The following PPP2R2C variants were observed in gnomAD, a reference collection of about 807,000 sequenced individuals.
PPP2R2C encodes protein phosphatase 2 regulatory subunit Bgamma.
PPP2R2C carries 10 observed loss-of-function variants against 45.3 expected under a neutral mutation model. The ratio of observed to expected loss-of-function variants is 0.22; its 90% CI spans 0.14 to 0.37. PPP2R2C has a LOEUF of 0.37. Ranked by LOEUF, PPP2R2C falls within the 10% of genes least tolerant of loss-of-function variation. The probability of loss-of-function intolerance (pLI) is 1.00; values close to 1 mark genes in which losing one functional copy is unlikely to be tolerated. For missense variants in PPP2R2C, 308 were observed against 619.7 expected, an observed-to-expected ratio of 0.50 and a Z score of 5.34; for synonymous variants, 257 against 245.4, an observed-to-expected ratio of 1.05 and a Z score of -0.44.
At chr4:6,463,853 A>C (rs4431291) in intron 1 of PPP2R2C, among the ~76,000 whole-genome samples, 86,154 of 151,992 alleles carry the variant, frequency 0.57, 25,962 homozygotes, top group East Asian at 0.72. Flanking sequence ...CTCCTGCTGA[A>C]CCCTCTCGAT....
At chr4:6,382,663 T>C in intron 1 of PPP2R2C, 1 of 178,936 alleles carries the variant, frequency 5.6e-6, no homozygotes, top group Non-Finnish European at 1.1e-5. Context: ...TCTCTCTCTC[T>C]CTCTCTCTCT....
At chr4:6,561,488 G>T (rs1378074585) in intron 1 of PPP2R2C, among the ~76,000 whole-genome samples, 1 of 151,988 alleles carries the variant, frequency 6.6e-6, no homozygotes, top group East Asian at 1.9e-4. Flanking sequence ...GAGGGGGAGG[G>T]GAGGACTTGC....
chr4:6,511,282 ATG>A (rs1723449913), intron 2 of PPP2R2C, among the ~76,000 whole-genome samples: 1 of 151,652 alleles, frequency 6.6e-6, no homozygotes, highest in East Asian at 1.9e-4. Flanking sequence ...GCTGATGCTG[ATG>A]CTGATGCTGA....
intron 1 of PPP2R2C, among the ~76,000 whole-genome samples, chr4:6,425,914 G>T (rs1719270876): frequency 6.6e-6 from 1 of 152,074 alleles, no homozygotes. Context: ...ATGCACACGT[G>T]CATGCATGTG....
intron 5 of PPP2R2C, among the ~76,000 whole-genome samples, chr4:6,367,270 T>G (rs1714406152): frequency 6.6e-6 from 1 of 152,220 alleles, no homozygotes; most frequent in Non-Finnish European, 1.5e-5. Context: ...AAGTCCATTT[T>G]GCTGAGACGG....
At chr4:6,500,213 T>C (rs961599142) in intron 2 of PPP2R2C, among the ~76,000 whole-genome samples, 1 of 152,356 alleles carries the variant, frequency 6.6e-6, no homozygotes, top group South Asian at 2.1e-4. Context: ...AATGGCGTGA[T>C]CTCGGCTCAC....
chr4:6,350,557 G>A (rs528577340), intron 5 of PPP2R2C: 13 of 985,302 alleles, frequency 1.3e-5, no homozygotes, highest in South Asian at 4.7e-5. Flanking sequence ...ACTCATTCTC[G>A]TTGTATTTCC....
intron 5 of PPP2R2C, among the ~76,000 whole-genome samples, chr4:6,367,302 A>C (rs1471715693): frequency 6.6e-6 from 1 of 152,190 alleles, no homozygotes; most frequent in African/African-American, 2.4e-5. Flanking sequence ...GATTGGACTT[A>C]GGAGATGCGA....
Position 6,502,003 on chromosome 4 carries a change from C to T in PPP2R2C, c.49+33268G>A, listed in dbSNP as rs148091652. 3.5e-3 allele frequency among the ~76,000 whole-genome samples: 526 copies of T among 152,288 alleles called. 2 individuals are homozygous for T. Among genetic ancestry groups the T allele is most frequent in the Non-Finnish European group, 5.7e-3 (386 of 68,014 alleles). On this transcript the variant is annotated intron_variant, in intron 2 of 9. Transcript: ENST00000506140. ...GAGGATTTGGTCTGGAAAAAAGATG[C>T]CCAGGGGCATGTCTCTGTCCTCAGG...
chr4:6,420,504 G>A (rs1330055396), intron 1 of PPP2R2C, among the ~76,000 whole-genome samples: 5 of 152,108 alleles, frequency 3.3e-5, no homozygotes, highest in South Asian at 2.1e-4. Context: ...TTGCGAGTCC[G>A]GAGGCAGCTC....
chr4:6,521,698 G>A (rs956263965), intron 2 of PPP2R2C, among the ~76,000 whole-genome samples: 3 of 152,156 alleles, frequency 2.0e-5, no homozygotes, highest in Admixed American at 2.0e-4. Context: ...CGCTTCCCCT[G>A]GACTGGCCAC....
chr4:6,434,487 T>C (rs1719796887), intron 1 of PPP2R2C, among the ~76,000 whole-genome samples: 1 of 150,816 alleles, frequency 6.6e-6, no homozygotes, highest in Admixed American at 6.7e-5. Context: ...GCCTCCCAAG[T>C]ACCTAAAATT....
At chr4:6,488,738 G>C (rs183668377) in intron 2 of PPP2R2C, among the ~76,000 whole-genome samples, 1 of 152,244 alleles carries the variant, frequency 6.6e-6, no homozygotes, top group East Asian at 1.9e-4. Context: ...TTGATGATTT[G>C]CTAAGGATGC....
intron 1 of PPP2R2C, among the ~76,000 whole-genome samples, chr4:6,554,945 A>AGG (rs1725325942): frequency 7.3e-6 from 1 of 137,874 alleles, no homozygotes; most frequent in Non-Finnish European, 1.6e-5. Context: ...GAAAGAAAGA[A>AGG]AGAAAGAAAG....
chr4:6,411,876 C>T (rs1718227072), intron 1 of PPP2R2C, among the ~76,000 whole-genome samples: 1 of 152,236 alleles, frequency 6.6e-6, no homozygotes, highest in Non-Finnish European at 1.5e-5. Context: ...TCTAACAGCC[C>T]ACTATCCCAG....
intron 5 of PPP2R2C, chr4:6,349,607 G>A (rs532321484): frequency 5.1e-5 from 50 of 982,396 alleles, no homozygotes; most frequent in East Asian, 3.4e-4. Context: ...TTGGGAGGCC[G>A]AGGCGGGCGG....
chr4:6,473,792 G>T (rs559578342), upstream of PPP2R2C, among the ~76,000 whole-genome samples: 1 of 152,228 alleles, frequency 6.6e-6, no homozygotes, highest in Non-Finnish European at 1.5e-5. Flanking sequence ...AGGTGATGCC[G>T]TCTCAGATTT....
chr4:6,516,649 A>G (rs994284832), intron 2 of PPP2R2C, among the ~76,000 whole-genome samples: 2 of 152,204 alleles, frequency 1.3e-5, no homozygotes, highest in African/African-American at 4.8e-5. Context: ...AACAGCATGG[A>G]CCCTGCAGCG....
chr4:6,444,024 G>A (rs937880333), intron 1 of PPP2R2C, among the ~76,000 whole-genome samples: 3 of 152,228 alleles, frequency 2.0e-5, no homozygotes, highest in East Asian at 1.9e-4. Flanking sequence ...ACCCTGGCCC[G>A]TGAGTAGCCT....
Sources: gnomAD v4.1 joint callset for allele counts (sites outside exome capture counted in the v4.1 genomes callset) on GRCh38, gnomAD v4.1.1 for gene constraint, MANE v1.5 for transcripts, NCBI Gene and HGNC (gene_info 2026-07-23, HGNC 2026-07-21) for gene names.